Variants in PKP4 observed in about 807,000 individuals in gnomAD.
PKP4 encodes plakophilin-4.
PKP4 carries 90 observed loss-of-function variants against 145.1 expected under a neutral mutation model. That is an observed-to-expected ratio of 0.62 (90% CI 0.52 to 0.74). PKP4 has a LOEUF of 0.74. Among genes scored for constraint, PKP4 ranks in the 30% least tolerant of loss-of-function variants. The probability of loss-of-function intolerance (pLI) is 0.00; values close to 1 mark genes in which losing one functional copy is unlikely to be tolerated. For missense variants in PKP4, 1,340 were observed against 1,482.7 expected, an observed-to-expected ratio of 0.90 and a Z score of 1.58; for synonymous variants, 563 against 577.2, an observed-to-expected ratio of 0.98 and a Z score of 0.35.
In PKP4 at chr2:158,642,648, T is replaced by C; in HGVS notation, c.1858T>C (p.Leu620=). ...GAATGTTGGTGGGATACCTGCCTTG[T>C]TGCGACTGTTGAGAAAATCTATTGA... ...MKNVGGIPAL[L]RLLRKSIDAE... The change falls in exon 11 of 22, where the codon TTG becomes CTG. Residue 620 remains leucine, a synonymous_variant. Transcript: ENST00000389759. The C allele has an allele frequency of 6.2e-7, 1 of 1,611,774 alleles. No homozygotes were observed. Among genetic ancestry groups the C allele is most frequent in the Non-Finnish European group, 8.5e-7 (1 of 1,178,326 alleles).
intron 2 of PKP4, among the ~76,000 whole-genome samples, chr2:158,564,984 G>A (rs1416386026): frequency 5.9e-5 from 9 of 152,150 alleles, no homozygotes; most frequent in Non-Finnish European, 1.0e-4. Context: ...TTTAGCAACA[G>A]AAAATGACAT....
chr2:158,625,108 AC>A lies in PKP4; in HGVS notation c.837del (p.Ala280ProfsTer37). On this transcript the variant is annotated frameshift_variant, in exon 7 of 22. Coordinates refer to ENST00000389759, the MANE Select transcript of PKP4 (RefSeq NM_003628.6). LOFTEE classifies it high-confidence loss of function. Reference protein sequence around the residue: ...ARAASPYSQRPASPTAIRRIG... With the variant: ...ARAASPYSQRXASPTAIRRIG... ...GGGCAGCCTCTCCGTACTCACAGAG[AC>A]CCGCCTCCCCAACAGCTATACGGCG... 1 of 1,613,866 alleles carries A rather than the reference AC, an allele frequency of 6.2e-7. No homozygotes were observed.
At chr2:158,607,299 G>T (rs1220450197) in intron 4 of PKP4, among the ~76,000 whole-genome samples, 1 of 152,176 alleles carries the variant, frequency 6.6e-6, no homozygotes, top group African/African-American at 2.4e-5. Flanking sequence ...GTGTTTGATG[G>T]ATAAGAGTTC....
At chr2:158,525,815 C>T (rs1488816472) in intron 1 of PKP4, among the ~76,000 whole-genome samples, 2 of 144,682 alleles carry the variant, frequency 1.4e-5, no homozygotes, top group Non-Finnish European at 3.0e-5. Flanking sequence ...ACCACCGATC[C>T]CACAGAAATA....
rs549670878 is a variant in PKP4, at chr2:158,465,910, A to T, written c.-6+8692A>T. On this transcript the variant is annotated intron_variant, in intron 1 of 21. Coordinates refer to ENST00000389759, the MANE Select transcript of PKP4 (RefSeq NM_003628.6). The stretch of plus-strand genomic sequence containing the variant: ...AACTCAGATGTTAAAGGTCTAATTC[A>T]GACTGTCAACAGATGAAAAATAAGT... 3.9e-5 allele frequency among the ~76,000 whole-genome samples: 6 copies of T among 152,358 alleles called. No homozygotes were observed. In the South Asian group the frequency reaches 1.2e-3, roughly 32 times the overall value.
In PKP4 at chr2:158,620,116, G is replaced by A. The variant is rs147716215; in HGVS notation, c.281-874G>A. On this transcript the variant is annotated intron_variant, in intron 4 of 21. Transcript: ENST00000389759. ...TTATCTTTGAAGTGAGAGTGAAGTAGCATTTCTGAAAGAAAGTTTGTTAAT... is the reference window on the plus strand; with the variant it reads ...TTATCTTTGAAGTGAGAGTGAAGTAACATTTCTGAAAGAAAGTTTGTTAAT... Among the ~76,000 whole-genome samples, 109 of 152,204 alleles carry A rather than the reference G, an allele frequency of 7.2e-4. 1 individual carries two copies. The highest frequency in any genetic ancestry group is 2.5e-3 in the African/African-American group (105 of 41,542).
intron 1 of PKP4, among the ~76,000 whole-genome samples, chr2:158,498,599 C>G (rs952207697): frequency 4.6e-5 from 7 of 152,198 alleles, no homozygotes; most frequent in African/African-American, 1.7e-4. Context: ...CTCATGCACT[C>G]TGCTGATGTT....
At chr2:158,504,758 T>C (rs1322426111) in intron 1 of PKP4, among the ~76,000 whole-genome samples, 5 of 152,322 alleles carry the variant, frequency 3.3e-5, no homozygotes, top group African/African-American at 9.6e-5. Context: ...TTCTTGCAAA[T>C]TCACAGGAAT....
In PKP4 at chr2:158,661,348, G is replaced by A. The variant is rs747567248; in HGVS notation, c.2109G>A (p.Ala703=). ...TTGCLRNLSS[A]GEEARKQMRS... ...ACCCCTTTAGGAACCTCAGCTCCGC[G>A]GGGGAAGAAGCTCGGAAGCAAATGC... The change falls in exon 13 of 22, where the codon GCG becomes GCA. Residue 703 remains alanine (A), a synonymous_variant. Coordinates refer to ENST00000389759, the MANE Select transcript of PKP4 (RefSeq NM_003628.6). 14 of 1,613,260 alleles carry A rather than the reference G, an allele frequency of 8.7e-6. No individual in the cohort carries two copies. Among genetic ancestry groups the A allele is most frequent in the Admixed American group, 3.3e-5 (2 of 59,990 alleles).
chr2:158,491,238 G>A (rs150063331), intron 1 of PKP4, among the ~76,000 whole-genome samples: 208 of 152,138 alleles, frequency 1.4e-3, no homozygotes, highest in African/African-American at 4.7e-3. Context: ...GATCCCTTGG[G>A]ACCTGTGTGA....
chr2:158,569,480 A>G (rs1574533815), intron 2 of PKP4, among the ~76,000 whole-genome samples: 1 of 152,302 alleles, frequency 6.6e-6, no homozygotes, highest in East Asian at 1.9e-4. Flanking sequence ...AAAGTGATGC[A>G]ATGTCAGCAG....
chr2:158,460,092 A>C (rs1357296414), intron 1 of PKP4, among the ~76,000 whole-genome samples: 1 of 152,178 alleles, frequency 6.6e-6, no homozygotes, highest in African/African-American at 2.4e-5. Context: ...CAATTATTTT[A>C]ATTTTTACCT....
chr2:158,656,323 T>TG (rs1271214799), intron 11 of PKP4, among the ~76,000 whole-genome samples: 2 of 151,318 alleles, frequency 1.3e-5, no homozygotes, highest in East Asian at 2.0e-4. Context: ...ACTGTAGAAT[T>TG]TAAGTTCTTT....
chr2:158,544,798 C>A (rs1463607771), intron 2 of PKP4, among the ~76,000 whole-genome samples: 1 of 152,198 alleles, frequency 6.6e-6, no homozygotes, highest in Non-Finnish European at 1.5e-5. Context: ...TCTGTTGGAG[C>A]TGCAGAAGAC....
chr2:158,522,984 C>G (rs1443314583), intron 1 of PKP4, among the ~76,000 whole-genome samples: 5 of 152,144 alleles, frequency 3.3e-5, no homozygotes, highest in African/African-American at 1.2e-4. Flanking sequence ...GGTCCTACGC[C>G]CACGGAATCT....
intron 2 of PKP4, among the ~76,000 whole-genome samples, chr2:158,554,431 T>TATTA (rs60041274): frequency 0.044 from 3,751 of 86,144 alleles, 137 homozygotes; most frequent in African/African-American, 0.11. Context: ...TTATTATTAT[T>TATTA]TTTTTTTTTT....
rs371246846 is a variant in PKP4 at position 158,582,784 on chromosome 2, G to A, written c.245+5401G>A. On this transcript the variant is annotated intron_variant, in intron 3 of 21. Transcript: ENST00000389759. ...AAATGGAATATAAATGGATGGAATA[G>A]CACCTTAACTAAGAGTAATTTTCCA... is the stretch of plus-strand genomic sequence containing the variant. Among the ~76,000 whole-genome samples, 37 of 152,274 alleles carry A rather than the reference G, an allele frequency of 2.4e-4. 1 individual carries two copies. In the East Asian group the frequency reaches 6.2e-3, roughly 25 times the overall value.
intron 1 of PKP4, among the ~76,000 whole-genome samples, chr2:158,476,227 A>G (rs1692445556): frequency 6.6e-6 from 1 of 152,216 alleles, no homozygotes; most frequent in Non-Finnish European, 1.5e-5. Flanking sequence ...TTTTATATTC[A>G]TGTTATTGGT....
chr2:158,462,808 A>C (rs1474532591), intron 1 of PKP4, among the ~76,000 whole-genome samples: 1 of 152,198 alleles, frequency 6.6e-6, no homozygotes. Flanking sequence ...CGTTTTGCTC[A>C]TCTGTAGGAT....
Sources: allele counts gnomAD v4.1 joint callset (sites outside exome capture counted in the v4.1 genomes callset), GRCh38; gene constraint gnomAD v4.1.1; transcripts MANE v1.5; gene names NCBI Gene and HGNC (gene_info 2026-07-23, HGNC 2026-07-21).